CCDC141: variants seen among roughly 807,000 people sequenced by gnomAD.
The protein encoded by CCDC141 is coiled-coil domain containing 141.
Under a neutral mutation model 181.0 loss-of-function variants are expected in CCDC141, and 168 were observed. That is an observed-to-expected ratio of 0.93 (90% CI 0.82 to 1.05). The LOEUF is 1.05. CCDC141 is among the 50% of genes least tolerant of loss of function. CCDC141 has a pLI of 0.00. For synonymous variants in CCDC141, 666 were observed against 642.3 expected (o/e 1.04, Z -0.56); for missense variants, 1,902 against 1,788.5 (o/e 1.06, Z -1.14).
intron 4 of CCDC141, 107 bp from the exon 5 acceptor site, chr2:178,961,590 A>T: frequency 1.1e-6 from 1 of 949,342 alleles, no homozygotes; most frequent in Non-Finnish European, 1.5e-6. Flanking sequence ...TATGTTAATA[A>T]AAAACAAGTT....
intron 14 of CCDC141, 63 bp downstream of exon 14, chr2:178,871,364 C>A: frequency 6.5e-7 from 1 of 1,540,390 alleles, no homozygotes; most frequent in Non-Finnish European, 8.8e-7. Context: ...ATCAGGTAAA[C>A]TGCAACCAAA....
intron 7 of CCDC141, 50 bp from the exon 8 acceptor site, chr2:178,905,551 A>G (rs761663222): frequency 1.0e-5 from 15 of 1,483,462 alleles, no homozygotes; most frequent in Non-Finnish European, 1.4e-5. Flanking sequence ...TTTAAAATCT[A>G]CATCAACGTG....
intron 8 of CCDC141, among the ~76,000 whole-genome samples, chr2:178,893,870 A>G (rs1251869605): frequency 6.6e-6 from 1 of 151,974 alleles, no homozygotes; most frequent in African/African-American, 2.4e-5. Flanking sequence ...TATAGATAAC[A>G]AAGTAGAAAC....
chr2:179,015,103 T>TATATATAA (rs1349211734), intron 2 of CCDC141, among the ~76,000 whole-genome samples: 3 of 28,220 alleles, frequency 1.1e-4, no homozygotes, highest in African/African-American at 2.7e-4. Context: ...TATATATATA[T>TATATATAA]AATATATATA....
chr2:179,043,086 A>C (rs1029401065), intron 2 of CCDC141, among the ~76,000 whole-genome samples: 8 of 152,220 alleles, frequency 5.3e-5, no homozygotes, highest in African/African-American at 1.9e-4. Context: ...AGAGAATACT[A>C]TAAACACCTC....
chr2:178,843,364 G>A (rs1684808006), intron 22 of CCDC141, among the ~76,000 whole-genome samples: 1 of 152,124 alleles, frequency 6.6e-6, no homozygotes, highest in Non-Finnish European at 1.5e-5. Flanking sequence ...AACTCTAAAT[G>A]CTGGCATCAA....
intron 2 of CCDC141, among the ~76,000 whole-genome samples, chr2:179,017,702 T>A (rs1234742648): frequency 6.6e-6 from 1 of 152,158 alleles, no homozygotes; most frequent in Non-Finnish European, 1.5e-5. Flanking sequence ...AGATATTTTT[T>A]AAAAATCAGG....
intron 2 of CCDC141, among the ~76,000 whole-genome samples, chr2:178,991,623 T>C (rs1692058481): frequency 6.6e-6 from 1 of 152,096 alleles, no homozygotes; most frequent in East Asian, 1.9e-4. Context: ...TAGTGTTTGA[T>C]AGTAGAGTGA....
chr2:178,986,476 G>T (rs1213295095), intron 2 of CCDC141, among the ~76,000 whole-genome samples: 1 of 152,160 alleles, frequency 6.6e-6, no homozygotes, highest in Non-Finnish European at 1.5e-5. Context: ...GGGCAATTAG[G>T]CAGGAGAAGG....
chr2:178,954,065 T>A (rs2154378217), intron 5 of CCDC141, among the ~76,000 whole-genome samples: 1 of 152,372 alleles, frequency 6.6e-6, no homozygotes, highest in South Asian at 2.1e-4. Flanking sequence ...ATCTTATATG[T>A]GATCTGGGTG....
At chr2:178,936,196 C>T (rs1166351510) in intron 6 of CCDC141, among the ~76,000 whole-genome samples, 2 of 152,096 alleles carry the variant, frequency 1.3e-5, no homozygotes, top group Non-Finnish European at 2.9e-5. Flanking sequence ...ATGATATTGC[C>T]TAAGTTGTCT....
intron 5 of CCDC141, among the ~76,000 whole-genome samples, chr2:178,957,580 T>G (rs1037345490): frequency 1.3e-5 from 2 of 152,236 alleles, no homozygotes; most frequent in African/African-American, 4.8e-5. Context: ...TTTATCTATA[T>G]AAATTGAAAA....
intron 7 of CCDC141, among the ~76,000 whole-genome samples, chr2:178,908,308 C>T (rs1688069850): frequency 6.6e-6 from 1 of 152,102 alleles, no homozygotes; most frequent in Non-Finnish European, 1.5e-5. Context: ...GATTCTCGTG[C>T]CTCAGCCTCC....
intron 2 of CCDC141, among the ~76,000 whole-genome samples, chr2:178,982,001 G>T (rs951578551): frequency 2.6e-5 from 4 of 151,852 alleles, no homozygotes; most frequent in African/African-American, 9.7e-5. Flanking sequence ...GGATAAAAAG[G>T]AATACTATAA....
chr2:178,867,112 C>T (rs987467692), intron 16 of CCDC141, among the ~76,000 whole-genome samples: 5 of 152,190 alleles, frequency 3.3e-5, no homozygotes, highest in African/African-American at 1.2e-4. Context: ...CCGACAGTGG[C>T]ATCAAACAAA....
At chr2:179,014,451 C>A (rs549867556) in intron 2 of CCDC141, among the ~76,000 whole-genome samples, 1 of 151,960 alleles carries the variant, frequency 6.6e-6, no homozygotes, top group Non-Finnish European at 1.5e-5. Flanking sequence ...AGCTTTTGCA[C>A]GGCAAAAGGA....
intron 5 of CCDC141, among the ~76,000 whole-genome samples, chr2:178,959,068 T>C (rs971097574): frequency 1.3e-5 from 2 of 150,790 alleles, no homozygotes; most frequent in African/African-American, 4.9e-5. Flanking sequence ...CCCCATGTTC[T>C]CACTCATAGG....
At chr2:179,007,084 A>C (rs2042140998) in intron 2 of CCDC141, among the ~76,000 whole-genome samples, 1 of 152,234 alleles carries the variant, frequency 6.6e-6, no homozygotes. Context: ...GATTGATTCA[A>C]GGATGGAAAA....
the CCDC141 span, among the ~76,000 whole-genome samples, chr2:178,817,145 T>C: frequency 1.3e-5 from 2 of 152,224 alleles, no homozygotes; most frequent in South Asian, 2.1e-4. Context: ...AGAGTTTTAG[T>C]TCCTGCCCCT....
Sources: allele counts gnomAD v4.1 joint callset (sites outside exome capture counted in the v4.1 genomes callset), GRCh38; gene constraint gnomAD v4.1.1; transcripts MANE v1.5; gene names NCBI Gene and HGNC (gene_info 2026-07-23, HGNC 2026-07-21).